The following GREB1 variants were observed in gnomAD, a reference collection of about 807,000 sequenced individuals.
The protein encoded by GREB1 is growth regulating estrogen receptor binding 1.
Under a neutral mutation model 200.7 loss-of-function variants are expected in GREB1, and 106 were observed. The observed-to-expected ratio is 0.53, with a 90% CI of 0.45 to 0.62. The LOEUF is 0.62. Among genes scored for constraint, GREB1 ranks in the 20% least tolerant of loss-of-function variants. The pLI is 0.00. For missense variants in GREB1, 2,243 were observed against 2,556.8 expected (o/e 0.88, Z 2.65); for synonymous variants, 1,132 against 1,092.4 (o/e 1.04, Z -0.72).
intron 1 of GREB1, among the ~76,000 whole-genome samples, chr2:11,484,700 T>C (rs769240386): frequency 1.3e-5 from 2 of 152,220 alleles, no homozygotes; most frequent in Non-Finnish European, 1.5e-5. Context: ...GGAGGGTCTC[T>C]TGAGCCCACG....
chr2:11,600,454 T>C (rs1438160356), intron 15 of GREB1, among the ~76,000 whole-genome samples: 2 of 152,162 alleles, frequency 1.3e-5, no homozygotes, highest in East Asian at 3.9e-4. Context: ...AGGAGATAAG[T>C]ACACAATCAG....
intron 1 of GREB1, among the ~76,000 whole-genome samples, chr2:11,483,006 G>T (rs1309247753): frequency 6.6e-6 from 1 of 151,540 alleles, no homozygotes; most frequent in Admixed American, 6.6e-5. Flanking sequence ...GAGCGGGGGC[G>T]CGGGGCTGTG....
At chr2:11,622,967 A>G (rs940696198) in intron 23 of GREB1, among the ~76,000 whole-genome samples, 1 of 152,266 alleles carries the variant, frequency 6.6e-6, no homozygotes, top group African/African-American at 2.4e-5. Context: ...TGAAAATGGA[A>G]TATGTGTCAA....
intron 1 of GREB1, among the ~76,000 whole-genome samples, chr2:11,500,019 T>A (rs1672986344): frequency 6.6e-6 from 1 of 152,164 alleles, no homozygotes; most frequent in Non-Finnish European, 1.5e-5. Context: ...TCTCACTCTG[T>A]CACCCAGGCT....
chr2:11,585,591 G>A (rs1208813311), intron 8 of GREB1, among the ~76,000 whole-genome samples, 171 bp from the exon 9 acceptor site: 3 of 152,256 alleles, frequency 2.0e-5, no homozygotes, highest in Non-Finnish European at 4.4e-5. Context: ...TGGGCGGAAT[G>A]AACTTAAAGG....
intron 7 of GREB1, among the ~76,000 whole-genome samples, chr2:11,582,441 C>G (rs1283400974): frequency 6.6e-6 from 1 of 152,216 alleles, no homozygotes; most frequent in East Asian, 1.9e-4. Flanking sequence ...CCCCATCCTC[C>G]TGTCTCCATG....
At chr2:11,558,772 A>G (rs1676689214) in intron 2 of GREB1, among the ~76,000 whole-genome samples, 1 of 152,090 alleles carries the variant, frequency 6.6e-6, no homozygotes, top group African/African-American at 2.4e-5. Flanking sequence ...TTCTTATCTC[A>G]TTGCTGGCCT....
At chr2:11,589,097 C>T (rs1279742591) in intron 10 of GREB1, among the ~76,000 whole-genome samples, 166 bp downstream of exon 10, 2 of 152,302 alleles carry the variant, frequency 1.3e-5, no homozygotes, top group South Asian at 4.1e-4. Flanking sequence ...GTGGGCGTCC[C>T]CACACTGGGG....
intron 1 of GREB1, among the ~76,000 whole-genome samples, chr2:11,546,857 G>A (rs1267044710): frequency 1.3e-5 from 2 of 151,758 alleles, no homozygotes; most frequent in African/African-American, 4.8e-5. Context: ...GTCACTACTA[G>A]AAATGGCACC....
At chr2:11,510,694 T>C (rs2148448705) in intron 1 of GREB1, among the ~76,000 whole-genome samples, 1 of 150,940 alleles carries the variant, frequency 6.6e-6, no homozygotes, top group South Asian at 2.1e-4. Context: ...ATGGATTTTT[T>C]TTTTTTTTTT....
chr2:11,591,614 G>A, intron 10 of GREB1: 1 of 603,226 alleles, frequency 1.7e-6, no homozygotes. Flanking sequence ...CCGTTCGCGT[G>A]GTAAACTGAC....
At chr2:11,581,840 G>T (rs1366439165) in intron 7 of GREB1, among the ~76,000 whole-genome samples, 1 of 152,236 alleles carries the variant, frequency 6.6e-6, no homozygotes, top group Non-Finnish European at 1.5e-5. Flanking sequence ...CCACTGTGCT[G>T]GTGGAGGATC....
intron 29 of GREB1, among the ~76,000 whole-genome samples, chr2:11,634,729 A>G (rs1191717201): frequency 6.6e-6 from 1 of 152,152 alleles, no homozygotes; most frequent in Non-Finnish European, 1.5e-5. Context: ...GTGTTCACGG[A>G]GTACCTCTCC....
At chr2:11,606,555 C>T (rs1460628807) in intron 17 of GREB1, among the ~76,000 whole-genome samples, 3 of 152,030 alleles carry the variant, frequency 2.0e-5, no homozygotes, top group East Asian at 1.9e-4. Context: ...GCTCTATAAT[C>T]GCTTCTGATA....
At chr2:11,616,484 A>T (rs879853696) in intron 20 of GREB1, 147 bp from the exon 21 acceptor site, 1 of 698,428 alleles carries the variant, frequency 1.4e-6, no homozygotes, top group African/African-American at 1.7e-5. Flanking sequence ...TGCTCTGTCC[A>T]TGGTGGGGGC....
chr2:11,511,314 G>T (rs1673344587), intron 1 of GREB1, among the ~76,000 whole-genome samples: 1 of 152,186 alleles, frequency 6.6e-6, no homozygotes, highest in Non-Finnish European at 1.5e-5. Context: ...GGGGCCCAGA[G>T]AAGTTACATT....
In GREB1 at chr2:11,597,874, C is replaced by T; in HGVS notation, c.2048C>T (p.Thr683Ile). ...SHVCSIADSS[T>I]QNLDLGSFEK... is the part of the protein sequence containing the mutation. ...GTGTGTTCCATTGCGGATTCCAGCA[C>T]CCAAAATCTGGACCTGGGATCCTTT... Residue 683 changes from threonine (T) to isoleucine (I), a missense_variant, in exon 14 of 33, where the codon ACC becomes ATC. Around this residue, in one of 3 missense-constraint regions of GREB1, gnomAD observed 1,178 missense variants for 1,387.4 expected, o/e 0.85. Transcript: ENST00000381486. This position sits in a 1 kb window ranked among gnomAD's most constrained non-coding sequence, Gnocchi z 4.1. The T allele has an allele frequency of 6.2e-7, 1 of 1,614,146 alleles. No homozygotes were observed. Among genetic ancestry groups the T allele is most frequent in the Non-Finnish European group, 8.5e-7 (1 of 1,179,966 alleles).
chr2:11,642,269 C>T lies in GREB1; in HGVS notation c.*1815C>T, dbSNP rs1289623383. The T allele has an allele frequency of 2.0e-5, 3 of 151,860 alleles. No homozygotes were observed. 9.4% of individuals were successfully genotyped at this position (151,860 alleles called of 1,614,324 possible). The stretch of plus-strand genomic sequence containing the variant: ...GAGTAGCTGGGATTATGGGCGCCCA[C>T]CACCATGCCCAGCTAATTTTTGTAT... On this transcript the variant is annotated 3_prime_UTR_variant, in exon 33 of 33. Transcript: ENST00000381486.
intron 4 of GREB1, among the ~76,000 whole-genome samples, chr2:11,572,051 G>A (rs1448792129): frequency 1.5e-4 from 23 of 152,198 alleles, no homozygotes; most frequent in Admixed American, 1.5e-3. Flanking sequence ...CAGAGCATGT[G>A]GTTTGTTTCC....
Sources: gnomAD v4.1 joint callset for allele counts (sites outside exome capture counted in the v4.1 genomes callset) on GRCh38, gnomAD v4.1.1 for gene constraint, gnomAD v4.1.1 regional missense constraint, Gnocchi (gnomAD v3.1) non-coding constraint, MANE v1.5 for transcripts, NCBI Gene and HGNC (gene_info 2026-07-23, HGNC 2026-07-21) for gene names.